Variants in ARHGAP6 observed in about 807,000 individuals in gnomAD.
ARHGAP6 encodes rho GTPase-activating protein 6.
In ARHGAP6, 16 loss-of-function variants were observed where a neutral mutation model predicts 55.7. That is an observed-to-expected ratio of 0.29 (90% CI 0.19 to 0.44). The LOEUF (loss-of-function observed/expected upper bound fraction) is 0.44. ARHGAP6 is among the 20% of genes least tolerant of loss of function. The pLI is 1.00. For missense variants in ARHGAP6, 698 were observed against 808.9 expected, an observed-to-expected ratio of 0.86 and a Z score of 1.66; for synonymous variants, 382 against 360.9, an observed-to-expected ratio of 1.06 and a Z score of -0.66.
intron 1 of ARHGAP6, among the ~76,000 whole-genome samples, chrX:11,348,275 T>C (rs1190402502): frequency 8.9e-6 from 1 of 112,290 alleles, no homozygotes; most frequent in Non-Finnish European, 1.9e-5. Context: ...AAAGATACAG[T>C]GGTTTTGGTT....
At chrX:11,464,787 T>C (rs1036799400) in intron 1 of ARHGAP6, among the ~76,000 whole-genome samples, 8 of 112,352 alleles carry the variant, frequency 7.1e-5, no homozygotes, top group Non-Finnish European at 1.5e-4. Context: ...TTGTCTTCCA[T>C]TTCTTCTACC....
At chrX:11,222,048 C>A (rs907122821) in intron 2 of ARHGAP6, among the ~76,000 whole-genome samples, 2 of 111,434 alleles carry the variant, frequency 1.8e-5, no homozygotes, top group Admixed American at 9.6e-5. Context: ...AAATTGAATT[C>A]TCTAAAATGA....
chrX:11,245,698 G>C (rs1173972340), intron 2 of ARHGAP6, among the ~76,000 whole-genome samples: 1 of 111,874 alleles, frequency 8.9e-6, no homozygotes, highest in Non-Finnish European at 1.9e-5. Context: ...GAAGAGGATA[G>C]GAGAGAATAT....
At chrX:11,498,802 A>G (rs939456316) in intron 1 of ARHGAP6, among the ~76,000 whole-genome samples, 1 of 112,675 alleles carries the variant, frequency 8.9e-6, no homozygotes, top group Non-Finnish European at 1.9e-5. Context: ...TTGTTGAAAT[A>G]AAACAATTAT....
At chrX:11,602,654 C>A (rs750427544) in intron 1 of ARHGAP6, among the ~76,000 whole-genome samples, 2 of 113,066 alleles carry the variant, frequency 1.8e-5, no homozygotes, top group Non-Finnish European at 3.8e-5. Context: ...TAGGGATATG[C>A]TTCCCATCCC....
At chrX:11,289,124 C>T (rs1183847878) in intron 1 of ARHGAP6, among the ~76,000 whole-genome samples, 1 of 112,053 alleles carries the variant, frequency 8.9e-6, no homozygotes, top group Non-Finnish European at 1.9e-5. Flanking sequence ...ACGGACTTTT[C>T]AAATTACAAG....
chrX:11,528,517 C>T (rs1190879275), intron 1 of ARHGAP6, among the ~76,000 whole-genome samples: 1 of 112,208 alleles, frequency 8.9e-6, no homozygotes, highest in African/African-American at 3.2e-5. Context: ...GCAGGGTCCA[C>T]AGGGTTTCCA....
At chrX:11,151,587 A>G (rs2045778533) in intron 10 of ARHGAP6, among the ~76,000 whole-genome samples, 1 of 112,156 alleles carries the variant, frequency 8.9e-6, no homozygotes, top group Non-Finnish European at 1.9e-5. Context: ...GACAAGCACG[A>G]GAAAAAACAA....
At chrX:11,292,485 T>C (rs2048011794) in intron 1 of ARHGAP6, among the ~76,000 whole-genome samples, 1 of 111,181 alleles carries the variant, frequency 9.0e-6, no homozygotes, top group Non-Finnish European at 1.9e-5. Context: ...GGAAACAAAG[T>C]AGCTAGCCAG....
rs767965040 is a variant in ARHGAP6 at position 11,259,465 on chromosome X, T to G, written c.589-4758A>C. Among the ~76,000 whole-genome samples, 3 of 112,254 alleles carry G rather than the reference T, an allele frequency of 2.7e-5. No individual in the cohort carries two copies. In the South Asian group the frequency reaches 1.1e-3, roughly 41 times the overall value. On this transcript the variant is annotated intron_variant, in intron 1 of 12. Coordinates refer to ENST00000337414, the MANE Select transcript of ARHGAP6 (RefSeq NM_013427.3). Reference sequence around the variant, plus strand: ...AGCTCAAGGCTTGAATAGATTCTAGTTTGAGTGTGCATCCACATTGTTCAG... The same window carrying G: ...AGCTCAAGGCTTGAATAGATTCTAGGTTGAGTGTGCATCCACATTGTTCAG...
intron 1 of ARHGAP6, among the ~76,000 whole-genome samples, chrX:11,592,620 T>G (rs1385176226): frequency 6.3e-5 from 7 of 111,664 alleles, no homozygotes; most frequent in African/African-American, 2.3e-4. Context: ...TGGTTATATC[T>G]AGTAATATAT....
intron 2 of ARHGAP6, among the ~76,000 whole-genome samples, chrX:11,204,415 T>C (rs1188412088): frequency 8.9e-6 from 1 of 111,817 alleles, no homozygotes; most frequent in Non-Finnish European, 1.9e-5. Context: ...TCCTTGCCAA[T>C]ATCATGGGGA....
Position 11,138,841 on chromosome X carries a change from G to C in ARHGAP6, c.*22C>G, listed in dbSNP as rs774082332. The C allele has an allele frequency of 3.4e-6, 4 of 1,166,933 alleles. No homozygotes were observed. In the East Asian group the frequency reaches 9.4e-5, roughly 27 times the overall value. The stretch of plus-strand genomic sequence containing the variant: ...TGGAGGGCGGGGGGCTCGGGGCAGG[G>C]GGGGCTCGGCTGGGTGCGGGCTCAG... On this transcript the variant is annotated 3_prime_UTR_variant, in exon 13 of 13. Transcript: ENST00000337414.
chrX:11,329,577 A>G (rs2048537926), intron 1 of ARHGAP6, among the ~76,000 whole-genome samples: 1 of 112,374 alleles, frequency 8.9e-6, no homozygotes, highest in South Asian at 3.7e-4. Flanking sequence ...GTTAAAGTAC[A>G]ATCACGTGTC....
chrX:11,639,888 T>C lies in ARHGAP6; in HGVS notation c.588+24353A>G, dbSNP rs372882214. Among the ~76,000 whole-genome samples, 4 of 111,117 alleles carry C rather than the reference T, an allele frequency of 3.6e-5. No individual in the cohort carries two copies. In the East Asian group the frequency reaches 1.1e-3, roughly 31 times the overall value. On this transcript the variant is annotated intron_variant, in intron 1 of 12. Coordinates refer to ENST00000337414, the MANE Select transcript of ARHGAP6 (RefSeq NM_013427.3). ...TAACCATTGGATTTTTAAAAGTAGA[T>C]CAGAACCATACTTAACATTTTAAAA... is the stretch of plus-strand genomic sequence containing the variant.
chrX:11,450,133 G>A (rs1260236243), intron 1 of ARHGAP6, among the ~76,000 whole-genome samples: 1 of 111,038 alleles, frequency 9.0e-6, no homozygotes, highest in Non-Finnish European at 1.9e-5. Flanking sequence ...TAAGCTGACA[G>A]GTCGTTGATA....
intron 8 of ARHGAP6, among the ~76,000 whole-genome samples, chrX:11,170,069 A>C (rs2046069597): frequency 9.0e-6 from 1 of 111,650 alleles, no homozygotes; most frequent in African/African-American, 3.3e-5. Flanking sequence ...CCATCCACTC[A>C]GCACCTATCA....
At chrX:11,488,733 G>A (rs1221404288) in intron 1 of ARHGAP6, among the ~76,000 whole-genome samples, 3 of 111,056 alleles carry the variant, frequency 2.7e-5, no homozygotes, top group African/African-American at 9.8e-5. Flanking sequence ...GTGTATGCAA[G>A]TGATCTAGGT....
intron 1 of ARHGAP6, among the ~76,000 whole-genome samples, chrX:11,282,822 T>C (rs1325219388): frequency 1.8e-5 from 2 of 112,057 alleles, no homozygotes; most frequent in African/African-American, 6.5e-5. Context: ...AAAAATATAG[T>C]CTATGTTGAG....
Sources: allele counts gnomAD v4.1 joint callset (sites outside exome capture counted in the v4.1 genomes callset), GRCh38; gene constraint gnomAD v4.1.1; transcripts MANE v1.5; gene names NCBI Gene and HGNC (gene_info 2026-07-23, HGNC 2026-07-21).